Variants in LCMT1 observed in about 807,000 individuals in gnomAD.
LCMT1 encodes [Phosphatase 2A protein]-leucine-carboxy methyltransferase 1.
A neutral mutation model predicts 47.7 loss-of-function variants in LCMT1; 32 were observed. The observed-to-expected ratio is 0.67, with a 90% CI of 0.51 to 0.90. The LOEUF (loss-of-function observed/expected upper bound fraction) is 0.90, where lower values mean the gene tolerates loss of function less well. Ranked by LOEUF, LCMT1 falls within the 40% of genes least tolerant of loss-of-function variation. The pLI is 0.00. For missense variants in LCMT1, 375 were observed against 415.2 expected, an observed-to-expected ratio of 0.90 and a Z score of 0.84; for synonymous variants, 152 against 149.7, an observed-to-expected ratio of 1.02 and a Z score of -0.11.
intron 2 of LCMT1, 145 bp from the exon 3 acceptor site, chr16:25,132,257 C>A (rs1960369756): frequency 5.3e-6 from 5 of 940,792 alleles, no homozygotes; most frequent in South Asian, 3.8e-5. Flanking sequence ...GTTGCTGTTT[C>A]TCCCATAGAG....
chr16:25,118,137 G>T (rs980873708), intron 1 of LCMT1, among the ~76,000 whole-genome samples: 2 of 152,070 alleles, frequency 1.3e-5, no homozygotes, highest in African/African-American at 2.4e-5. Context: ...ATTTGATCTT[G>T]TCACTCCCTA....
intron 5 of LCMT1, among the ~76,000 whole-genome samples, chr16:25,156,899 T>C (rs563292198): frequency 3.8e-4 from 57 of 151,866 alleles, no homozygotes; most frequent in African/African-American, 1.2e-3. Context: ...ACTAATCCTC[T>C]GTACAGTCCG....
At chr16:25,149,911 A>C (rs1400151419) in intron 4 of LCMT1, among the ~76,000 whole-genome samples, 4 of 78,998 alleles carry the variant, frequency 5.1e-5, no homozygotes, top group Non-Finnish European at 7.5e-5. Context: ...AGACTGTCTC[A>C]AAAAAAAAAA....
intron 5 of LCMT1, among the ~76,000 whole-genome samples, chr16:25,152,656 G>A (rs1961118014): frequency 6.6e-6 from 1 of 152,150 alleles, no homozygotes. Flanking sequence ...ATTAGGCCAT[G>A]TAATATTACC....
intron 5 of LCMT1, among the ~76,000 whole-genome samples, chr16:25,157,406 T>A (rs1287124990): frequency 1.3e-5 from 2 of 150,150 alleles, no homozygotes; most frequent in Non-Finnish European, 3.0e-5. Flanking sequence ...ATAAAAAAAA[T>A]TAGCCAGGCA....
intron 3 of LCMT1, among the ~76,000 whole-genome samples, chr16:25,135,638 G>A (rs962406003): frequency 3.3e-5 from 5 of 152,116 alleles, no homozygotes; most frequent in Admixed American, 6.6e-5. Context: ...CCTTCCAGCC[G>A]GAATGGTTCC....
chr16:25,170,488 A>G (rs1961722974), intron 8 of LCMT1, among the ~76,000 whole-genome samples: 1 of 152,098 alleles, frequency 6.6e-6, no homozygotes, highest in South Asian at 2.1e-4. Context: ...TTCAGTACCA[A>G]GCACACTGGC....
intron 1 of LCMT1, among the ~76,000 whole-genome samples, chr16:25,119,310 T>G (rs955642171): frequency 4.6e-5 from 7 of 151,914 alleles, no homozygotes; most frequent in African/African-American, 1.7e-4. Flanking sequence ...CGTAACACCC[T>G]GTTCATCTTC....
intron 10 of LCMT1, among the ~76,000 whole-genome samples, chr16:25,176,228 C>T (rs79261716): frequency 6.6e-6 from 1 of 152,154 alleles, no homozygotes; most frequent in African/African-American, 2.4e-5. Flanking sequence ...CTTGCCTCCC[C>T]CAGTGGTTAG....
chr16:25,171,354 C>T (rs1252592857), intron 9 of LCMT1, among the ~76,000 whole-genome samples: 1 of 152,008 alleles, frequency 6.6e-6, no homozygotes, highest in Non-Finnish European at 1.5e-5. Context: ...GCGGAGGTTG[C>T]AGTGAGCTGA....
At chr16:25,129,442 A>AAAATGCAGTAAT (rs1240464706) in intron 2 of LCMT1, among the ~76,000 whole-genome samples, 1 of 152,258 alleles carries the variant, frequency 6.6e-6, no homozygotes, top group Non-Finnish European at 1.5e-5. Context: ...TGCAATTTTA[A>AAAATGCAGTAAT]AAATGTTTCT....
intron 1 of LCMT1, among the ~76,000 whole-genome samples, chr16:25,117,901 T>G (rs1350203232): frequency 6.6e-6 from 1 of 152,074 alleles, no homozygotes; most frequent in Non-Finnish European, 1.5e-5. Context: ...CCCTTTATTT[T>G]CCCTCTTGTG....
chr16:25,173,574 G>A (rs1435764776), intron 9 of LCMT1, among the ~76,000 whole-genome samples: 2 of 152,200 alleles, frequency 1.3e-5, no homozygotes, highest in Non-Finnish European at 2.9e-5. Context: ...GCAACTGGCA[G>A]GATTCATATG....
intron 3 of LCMT1, among the ~76,000 whole-genome samples, chr16:25,136,329 A>G (rs1258156623): frequency 6.7e-6 from 1 of 148,884 alleles, no homozygotes; most frequent in Non-Finnish European, 1.5e-5. Context: ...AGCTGTTCCC[A>G]GTCTCGGTGT....
intron 7 of LCMT1, among the ~76,000 whole-genome samples, chr16:25,165,744 T>G (rs1961571533): frequency 6.6e-6 from 1 of 151,718 alleles, no homozygotes; most frequent in Admixed American, 6.6e-5. Context: ...CTCGAACTCA[T>G]GACCTCAAGT....
intron 4 of LCMT1, among the ~76,000 whole-genome samples, chr16:25,150,532 C>T (rs1309540167): frequency 1.3e-5 from 2 of 151,510 alleles, no homozygotes; most frequent in Non-Finnish European, 2.9e-5. Flanking sequence ...TTAGTAGAGA[C>T]GGGTTTTCTC....
At chr16:25,165,149 C>G (rs1286331798) in intron 7 of LCMT1, among the ~76,000 whole-genome samples, 1 of 152,110 alleles carries the variant, frequency 6.6e-6, no homozygotes, top group Non-Finnish European at 1.5e-5. Flanking sequence ...ACAGGAGTGG[C>G]CACTGCCCAT....
In LCMT1 at chr16:25,161,221, T is replaced by TA. The variant is rs765307441; in HGVS notation, c.569+20dup. 7.2e-7 allele frequency: 1 copy of TA among 1,379,498 alleles called. No individual in the cohort carries two copies. The highest frequency in any genetic ancestry group is 1.2e-5 in the South Asian group (1 of 81,382). The allele number at this position is 1,379,498 out of a possible 1,614,324, so 85.5% of individuals were successfully genotyped here. A position where few individuals can be genotyped will look rare whatever the true frequency, so the allele number is the denominator to read the frequency against. On this transcript the variant is annotated intron_variant, in intron 6 of 10. Transcript: ENST00000399069. ...GAATACACAGTGAGATTTTTTTTTT[T>TA]AAACCTCTTCTGCATTTGTGATTTT...
chr16:25,161,048 T>C, intron 5 of LCMT1, 54 bp from the exon 6 acceptor site: 1 of 1,089,446 alleles, frequency 9.2e-7, no homozygotes. Context: ...AAGGCTACTA[T>C]AACTTTGGAA....
Sources: allele counts gnomAD v4.1 joint callset (sites outside exome capture counted in the v4.1 genomes callset), GRCh38; gene constraint gnomAD v4.1.1; transcripts MANE v1.5; gene names NCBI Gene and HGNC (gene_info 2026-07-23, HGNC 2026-07-21).